The following CFAP43 variants were observed in gnomAD, a reference collection of about 807,000 sequenced individuals.
The protein encoded by CFAP43 is cilia and flagella associated protein 43, also known as cilia- and flagella-associated protein 43.
In CFAP43, 155 loss-of-function variants were observed where a neutral mutation model predicts 218.9. That is an observed-to-expected ratio of 0.71 (90% CI 0.62 to 0.81). CFAP43 has a LOEUF of 0.81. Among genes scored for constraint, CFAP43 ranks in the 30% least tolerant of loss-of-function variants. The probability of loss-of-function intolerance (pLI) is 0.00; values close to 1 mark genes in which losing one functional copy is unlikely to be tolerated. For synonymous variants in CFAP43, 645 were observed against 681.3 expected, an observed-to-expected ratio of 0.95 and a Z score of 0.83; for missense variants, 1,778 against 1,954.3, an observed-to-expected ratio of 0.91 and a Z score of 1.70.
Position 104,168,831 on chromosome 10 carries a change from C to G in CFAP43, c.2604G>C (p.Glu868Asp). ...AATAGCTCTTGGCTAAGTTATGCAT[C>G]TCTACATCCTTTATCATCTTGAAGA... is the stretch of plus-strand genomic sequence containing the variant. ...EEVAKMIKDV[E>D]MHNLAKSYLA... Residue 868 changes from glutamate (E) to aspartate (D), a missense_variant, in exon 21 of 38, where the codon GAG becomes GAC. Transcript: ENST00000357060. 6.2e-7 allele frequency: 1 copy of G among 1,612,892 alleles called. No individual in the cohort carries two copies. Among genetic ancestry groups the G allele is most frequent in the Non-Finnish European group, 8.5e-7 (1 of 1,179,218 alleles).
At position 104,194,163 on chromosome 10, in the gene CFAP43, G is replaced by A. The variant is rs1386799946; in HGVS notation, c.1294-149C>T. 11 of 756,402 alleles carry A rather than the reference G, an allele frequency of 1.5e-5. No homozygotes were observed. In the East Asian group the frequency reaches 1.8e-4, roughly 13 times the overall value. 46.9% of individuals were successfully genotyped at this position (756,402 alleles called of 1,614,324 possible). A position where few individuals can be genotyped will look rare whatever the true frequency, so the allele number is the denominator to read the frequency against. On this transcript the variant is annotated intron_variant, in intron 10 of 37. Transcript: ENST00000357060. The stretch of plus-strand genomic sequence containing the variant: ...GGGTCTTTCAAATTATACCCTCAAC[G>A]TTCCTGAGCTGATCAACTGCATAAG...
intron 2 of CFAP43, among the ~76,000 whole-genome samples, chr10:104,228,485 T>C (rs1428832746): frequency 6.6e-6 from 1 of 152,206 alleles, no homozygotes; most frequent in Non-Finnish European, 1.5e-5. Context: ...GCCATCATTC[T>C]CTTTCAAATT....
chr10:104,161,482 G>A (rs1173988818), intron 26 of CFAP43, among the ~76,000 whole-genome samples: 2 of 152,000 alleles, frequency 1.3e-5, no homozygotes, highest in South Asian at 2.1e-4. Context: ...AATGTTTCCT[G>A]GTATATCTGG....
intron 2 of CFAP43, among the ~76,000 whole-genome samples, chr10:104,229,190 T>G (rs1380565315): frequency 6.6e-6 from 1 of 152,194 alleles, no homozygotes; most frequent in South Asian, 2.1e-4. Flanking sequence ...TTATAAATTA[T>G]AGTGAAGTTC....
rs185104202 is a variant in CFAP43, at chr10:104,161,168, G to T, written c.3415-6C>A. ...AAAGCAGGTTGAGGAATCACCTGAA[G>T]ATATGAAGAAAAGCATATATTTCAG... is the stretch of plus-strand genomic sequence containing the variant. On this transcript the variant is annotated splice_region_variant and splice_polypyrimidine_tract_variant and intron_variant, in intron 26 of 37. Transcript: ENST00000357060. 2.1e-4 allele frequency: 333 copies of T among 1,612,546 alleles called. No individual in the cohort carries two copies. The highest frequency in any genetic ancestry group is 2.6e-4 in the Non-Finnish European group (301 of 1,179,496).
chr10:104,172,680 T>C (rs2089459765), intron 19 of CFAP43, 145 bp from the exon 20 acceptor site: 1 of 725,740 alleles, frequency 1.4e-6, no homozygotes, highest in African/African-American at 1.9e-5. Flanking sequence ...AATTAGATTA[T>C]GGGCTTATTG....
chr10:104,215,924 C>T (rs1368105099), intron 3 of CFAP43, among the ~76,000 whole-genome samples: 2 of 152,120 alleles, frequency 1.3e-5, no homozygotes, highest in African/African-American at 4.8e-5. Context: ...CACCTGTGCT[C>T]TGGGTCCCAC....
chr10:104,230,768 A>G lies in CFAP43; in HGVS notation c.141T>C (p.Tyr47=). The G allele has an allele frequency of 6.2e-7, 1 of 1,614,032 alleles. No individual in the cohort carries two copies. The highest frequency in any genetic ancestry group is 8.5e-7 in the Non-Finnish European group (1 of 1,179,952). Residue 47 remains tyrosine, a synonymous_variant, in exon 2 of 38, where the codon TAT becomes TAC. Transcript: ENST00000357060. ...TGGTTTCAATATTAATAAATATTACATAATTCCCACAAGGGTAGCAAATGG... is the reference window on the plus strand; with the variant it reads ...TGGTTTCAATATTAATAAATATTACGTAATTCCCACAAGGGTAGCAAATGG... ...DNTICYPCGN[Y]VIFINIETKK... is the part of the protein sequence containing the mutation.
chr10:104,181,203 A>T (rs1427752312), intron 17 of CFAP43, among the ~76,000 whole-genome samples: 3 of 152,092 alleles, frequency 2.0e-5, no homozygotes, highest in Non-Finnish European at 1.5e-5. Context: ...CATCTTCTAC[A>T]TAAATGTTCA....
chr10:104,130,646 T>C (rs990194829), intron 37 of CFAP43, among the ~76,000 whole-genome samples: 11 of 152,150 alleles, frequency 7.2e-5, no homozygotes, highest in African/African-American at 2.2e-4. Context: ...TACCACATGT[T>C]CTCACTTATA....
chr10:104,157,461 A>C (rs1424013152), intron 27 of CFAP43, among the ~76,000 whole-genome samples: 1 of 152,194 alleles, frequency 6.6e-6, no homozygotes, highest in Non-Finnish European at 1.5e-5. Context: ...GTTCCCTTAA[A>C]TGTTGTTACC....
In CFAP43 at chr10:104,185,003, A is replaced by G. The variant is rs1360806563; in HGVS notation, c.2141+13T>C. 2.5e-6 allele frequency: 4 copies of G among 1,613,632 alleles called. No homozygotes were observed. Among genetic ancestry groups the G allele is most frequent in the East Asian group, 2.2e-5 (1 of 44,868 alleles). ...TATACTACATGGGGTTACTTACTGA[A>G]TACTGTACGTACTTCCACTTTAGGT... is the stretch of plus-strand genomic sequence containing the variant. On this transcript the variant is annotated intron_variant, in intron 16 of 37. Coordinates refer to ENST00000357060, the MANE Select transcript of CFAP43 (RefSeq NM_025145.7).
At chr10:104,173,067 A>C (rs1181428109) in intron 19 of CFAP43, among the ~76,000 whole-genome samples, 1 of 152,192 alleles carries the variant, frequency 6.6e-6, no homozygotes, top group Non-Finnish European at 1.5e-5. Flanking sequence ...TTCAGGAGCA[A>C]AGGATACACA....
intron 24 of CFAP43, among the ~76,000 whole-genome samples, chr10:104,162,858 C>CA (rs1478489869): frequency 6.6e-6 from 1 of 151,928 alleles, no homozygotes; most frequent in African/African-American, 2.4e-5. Flanking sequence ...GGCTTTATCC[C>CA]AAGTGAAGTG....
intron 21 of CFAP43, 94 bp from the exon 22 acceptor site, chr10:104,167,831 T>A: frequency 1.2e-6 from 1 of 864,514 alleles, no homozygotes; most frequent in Non-Finnish European, 1.8e-6. Flanking sequence ...TGATTAAAAT[T>A]AACCCATAGG....
rs1334338384 is a variant in CFAP43 at position 104,164,277 on chromosome 10, A to C, written c.3063T>G (p.Thr1021=). The change falls in exon 24 of 38, where the codon ACT becomes ACG. Residue 1021 remains threonine (T), a synonymous_variant. Transcript: ENST00000357060. ...CAGCGTCAAACTCATTATTGAAAAC[A>C]GTTTTTACCTTGTAAATGATATCCT... ...LLKDIIYKVK[T]VFNNEFDAAY... is the part of the protein sequence containing the mutation. 6.2e-7 allele frequency: 1 copy of C among 1,606,566 alleles called. No individual in the cohort carries two copies. Among genetic ancestry groups the C allele is most frequent in the Non-Finnish European group, 8.5e-7 (1 of 1,175,278 alleles).
At chr10:104,164,719 G>A (rs1467981740) in intron 23 of CFAP43, among the ~76,000 whole-genome samples, 1 of 152,096 alleles carries the variant, frequency 6.6e-6, no homozygotes, top group Non-Finnish European at 1.5e-5. Flanking sequence ...CTTTTAAGAA[G>A]GTAAAATGAA....
intron 32 of CFAP43, among the ~76,000 whole-genome samples, chr10:104,142,724 G>T (rs2087765642): frequency 6.6e-6 from 1 of 152,090 alleles, no homozygotes; most frequent in Non-Finnish European, 1.5e-5. Context: ...ATGCATGTGG[G>T]CATTAAATTT....
intron 19 of CFAP43, among the ~76,000 whole-genome samples, chr10:104,178,510 T>C (rs886910388): frequency 5.3e-5 from 8 of 152,112 alleles, no homozygotes; most frequent in Non-Finnish European, 1.2e-4. Context: ...TGTGCTATAG[T>C]GGGGATGGGG....
Sources: allele counts gnomAD v4.1 joint callset (sites outside exome capture counted in the v4.1 genomes callset), GRCh38; gene constraint gnomAD v4.1.1; transcripts MANE v1.5; gene names NCBI Gene and HGNC (gene_info 2026-07-23, HGNC 2026-07-21).